Variants in KCNMA1 observed in about 807,000 individuals in gnomAD.
The protein encoded by KCNMA1 is potassium calcium-activated channel subfamily M alpha 1, also known as Calcium-activated potassium channel subunit alpha-1.
In KCNMA1, 29 loss-of-function variants were observed where a neutral mutation model predicts 140.0. That is an observed-to-expected ratio of 0.21 (90% CI 0.15 to 0.28). The LOEUF (loss-of-function observed/expected upper bound fraction) is 0.28. KCNMA1 is among the 10% of genes least tolerant of loss of function. KCNMA1 has a pLI of 1.00. For missense variants in KCNMA1, 880 were observed against 1,602.2 expected (o/e 0.55, Z 7.70); for synonymous variants, 612 against 611.9 (o/e 1.00, Z 0.00).
chr10:77,392,739 C>T (rs747127785), intron 2 of KCNMA1, among the ~76,000 whole-genome samples: 46 of 152,328 alleles, frequency 3.0e-4, no homozygotes, highest in East Asian at 1.4e-3. Flanking sequence ...TGACCTCACA[C>T]GCTTTCCCAT....
intron 14 of KCNMA1, chr10:77,063,659 C>T (rs1021088588): frequency 3.7e-5 from 32 of 871,384 alleles, no homozygotes; most frequent in Admixed American, 3.1e-4. Context: ...CTTAGGGCAA[C>T]GACAACCAAT....
chr10:77,256,174 A>C (rs749960123), intron 2 of KCNMA1, among the ~76,000 whole-genome samples: 1 of 152,196 alleles, frequency 6.6e-6, no homozygotes, highest in Non-Finnish European at 1.5e-5. Flanking sequence ...TATAGAGGTG[A>C]TTGAGTTGGG....
intron 2 of KCNMA1, among the ~76,000 whole-genome samples, chr10:77,314,401 C>T (rs2154347618): frequency 6.6e-6 from 1 of 152,290 alleles, no homozygotes; most frequent in South Asian, 2.1e-4. Flanking sequence ...AAAATGTTTC[C>T]TAGATCAAAA....
At position 77,165,821 on chromosome 10, in the gene KCNMA1, A is replaced by T. The variant is rs554377267; in HGVS notation, c.808+17600T>A. 2.0e-5 allele frequency among the ~76,000 whole-genome samples: 3 copies of T among 152,338 alleles called. No homozygotes were observed. The East Asian group carries it at 5.8e-4, about 29-fold the overall frequency. On this transcript the variant is annotated intron_variant, in intron 5 of 27. Transcript: ENST00000286628. ...TATAAGAGTTATTTTCTGAAAGTTAAAAACGTAGGACCTTATTTCGGCAGA... is the reference window on the plus strand; with the variant it reads ...TATAAGAGTTATTTTCTGAAAGTTATAAACGTAGGACCTTATTTCGGCAGA...
intron 5 of KCNMA1, among the ~76,000 whole-genome samples, chr10:77,169,216 C>A (rs481869): frequency 1 from 151,956 of 152,226 alleles, 75,845 homozygotes; most frequent in East Asian, 1. Context: ...AAAACCATGG[C>A]GATGGAACAT....
chr10:77,250,028 C>T (rs1341117117), intron 3 of KCNMA1: 1 of 152,168 alleles, frequency 6.6e-6, no homozygotes, highest in African/African-American at 2.4e-5. Flanking sequence ...GCTTTGTTTT[C>T]CCTGACTGAC....
chr10:77,173,227 A>G (rs369635128), intron 5 of KCNMA1, among the ~76,000 whole-genome samples: 1 of 152,184 alleles, frequency 6.6e-6, no homozygotes, highest in Admixed American at 6.5e-5. Flanking sequence ...GGGGGAAAAA[A>G]GTAGTTTGGA....
chr10:77,112,373 G>T lies in KCNMA1; in HGVS notation c.954C>A (p.Ile318=). ...GGTCTTCAAGGTTACTCACCAAATGGATGAACCCGGCTGCAGTCAGCCACG... is the reference window on the plus strand; with the variant it reads ...GGTCTTCAAGGTTACTCACCAAATGTATGAACCCGGCTGCAGTCAGCCACG... ...ISTWLTAAGF[I]HLVENSGDPW... Residue 318 remains isoleucine, a synonymous_variant, in exon 7 of 28, where the codon ATC becomes ATA. Coordinates refer to ENST00000286628, the MANE Select transcript of KCNMA1 (RefSeq NM_001161352.2). The T allele has an allele frequency of 6.2e-7, 1 of 1,612,952 alleles. No individual in the cohort carries two copies. Among genetic ancestry groups the T allele is most frequent in the Non-Finnish European group, 8.5e-7 (1 of 1,178,958 alleles).
At position 77,637,752 on chromosome 10, in the gene KCNMA1, C is replaced by A. The variant is rs1422469476; in HGVS notation, c.-110G>T. ...TTGCTGCTACTGCTGCCGCCGCCGC[C>A]GCCGCCGCGGAGCGCGGGAGGGGGG... On this transcript the variant is annotated 5_prime_UTR_variant, in exon 1 of 28. Transcript: ENST00000286628. The A allele has an allele frequency of 5.3e-6, 7 of 1,309,178 alleles. No individual in the cohort carries two copies. The highest frequency in any genetic ancestry group is 2.8e-4 in the Middle Eastern group (1 of 3,526). 81.1% of individuals were successfully genotyped at this position (1,309,178 alleles called of 1,614,324 possible).
At chr10:77,088,689 A>G (rs748932862) in intron 10 of KCNMA1, among the ~76,000 whole-genome samples, 20 of 152,266 alleles carry the variant, frequency 1.3e-4, no homozygotes, top group Middle Eastern at 3.4e-3. Context: ...TTGGCCTCCC[A>G]AAGTGCTGGG....
chr10:76,916,041 CACACAT>C (rs1196309220), intron 23 of KCNMA1, among the ~76,000 whole-genome samples: 5 of 151,674 alleles, frequency 3.3e-5, no homozygotes, highest in Admixed American at 2.0e-4. Flanking sequence ...CACACACACA[CACACAT>C]ACACAAATGT....
chr10:77,362,808 C>G (rs1442956346), intron 2 of KCNMA1, among the ~76,000 whole-genome samples: 3 of 152,166 alleles, frequency 2.0e-5, no homozygotes, highest in Non-Finnish European at 4.4e-5. Flanking sequence ...CTTCACGGAC[C>G]GCTTGCTTAT....
At chr10:76,986,933 G>T (rs2081414200) in intron 19 of KCNMA1, among the ~76,000 whole-genome samples, 1 of 152,174 alleles carries the variant, frequency 6.6e-6, no homozygotes, top group Non-Finnish European at 1.5e-5. Context: ...TGATCAATTT[G>T]AGATCAATCT....
intron 1 of KCNMA1, among the ~76,000 whole-genome samples, chr10:77,585,718 T>G (rs1203280787): frequency 1.3e-5 from 2 of 152,180 alleles, no homozygotes; most frequent in Non-Finnish European, 2.9e-5. Context: ...CTTCCCTGTC[T>G]TGTTTTTGGA....
intron 20 of KCNMA1, among the ~76,000 whole-genome samples, chr10:76,954,825 G>A (rs540142444): frequency 1.1e-4 from 16 of 152,266 alleles, no homozygotes; most frequent in African/African-American, 2.4e-4. Flanking sequence ...AAGGCCTCCC[G>A]TCTAGTGGGT....
chr10:76,943,138 G>C (rs2063022693), intron 23 of KCNMA1, among the ~76,000 whole-genome samples: 1 of 152,188 alleles, frequency 6.6e-6, no homozygotes, highest in African/African-American at 2.4e-5. Context: ...ACTCCTAGAA[G>C]GTCAGCTTAC....
chr10:77,455,524 G>C (rs981173592), intron 1 of KCNMA1, among the ~76,000 whole-genome samples: 5 of 152,168 alleles, frequency 3.3e-5, no homozygotes, highest in South Asian at 2.1e-4. Flanking sequence ...CATTTGATAG[G>C]CTCCTATGAA....
chr10:76,941,575 CAAGAA>C (rs2152841178), intron 23 of KCNMA1, among the ~76,000 whole-genome samples: 1 of 152,232 alleles, frequency 6.6e-6, no homozygotes, highest in South Asian at 2.1e-4. Flanking sequence ...GACAGACAGA[CAAGAA>C]AACAATGGGA....
At chr10:77,280,732 T>C (rs570249550) in intron 2 of KCNMA1, among the ~76,000 whole-genome samples, 11 of 151,728 alleles carry the variant, frequency 7.2e-5, no homozygotes, top group Non-Finnish European at 1.3e-4. Flanking sequence ...TCTTACTATG[T>C]TGCCCAGGCT....
Sources: allele counts gnomAD v4.1 joint callset (sites outside exome capture counted in the v4.1 genomes callset), GRCh38; gene constraint gnomAD v4.1.1; transcripts MANE v1.5; gene names NCBI Gene and HGNC (gene_info 2026-07-23, HGNC 2026-07-21).